CPNE5: variants seen among roughly 807,000 people sequenced by gnomAD.
The protein encoded by CPNE5 is copine 5.
A neutral mutation model predicts 81.1 loss-of-function variants in CPNE5; 42 were observed. The observed-to-expected ratio is 0.52, with a 90% CI of 0.40 to 0.67. CPNE5 has a LOEUF of 0.67. CPNE5 is among the 30% of genes least tolerant of loss of function. The pLI, the probability that CPNE5 is intolerant of heterozygous loss-of-function variation, is 0.00. For missense variants in CPNE5, 612 were observed against 815.5 expected, an observed-to-expected ratio of 0.75 and a Z score of 3.04; for synonymous variants, 313 against 321.5, an observed-to-expected ratio of 0.97 and a Z score of 0.28.
At chr6:36,792,186 C>T in intron 7 of CPNE5, 90 bp from the exon 8 acceptor site, 3 of 1,269,618 alleles carry the variant, frequency 2.4e-6, no homozygotes, top group Admixed American at 3.6e-5. Context: ...TGCCCATCCT[C>T]CCCCGCCCCC....
intron 14 of CPNE5, among the ~76,000 whole-genome samples, chr6:36,750,595 A>G (rs1365416241): frequency 6.6e-6 from 1 of 152,202 alleles, no homozygotes; most frequent in Non-Finnish European, 1.5e-5. Flanking sequence ...TATTGGTATG[A>G]AGGCTTGAGG....
At chr6:36,797,317 C>T (rs1469670021) in intron 6 of CPNE5, among the ~76,000 whole-genome samples, 2 of 152,272 alleles carry the variant, frequency 1.3e-5, no homozygotes, top group African/African-American at 4.8e-5. Flanking sequence ...GATGCCTGTC[C>T]CAGTCTGCCC....
intron 13 of CPNE5, 197 bp downstream of exon 13, chr6:36,756,048 G>C: frequency 1.7e-6 from 1 of 582,108 alleles, no homozygotes; most frequent in Non-Finnish European, 3.0e-6. Flanking sequence ...AGCGCCTGTT[G>C]TGTGGTCTGC....
chr6:36,826,366 C>A (rs560562221), intron 1 of CPNE5, among the ~76,000 whole-genome samples: 16 of 152,290 alleles, frequency 1.1e-4, no homozygotes, highest in African/African-American at 3.9e-4. Flanking sequence ...ACCAGCACCC[C>A]AGGATAAAGC....
Position 36,766,647 on chromosome 6 carries a change from G to A in CPNE5, c.738-1271C>T, listed in dbSNP as rs964451251. Among the ~76,000 whole-genome samples, 1 of 152,154 alleles carries A rather than the reference G, an allele frequency of 6.6e-6. No individual in the cohort carries two copies. Among genetic ancestry groups the A allele is most frequent in the Non-Finnish European group, 1.5e-5 (1 of 68,016 alleles). ...AGTGGAAAGACCAGGACGGCCCTAC[G>A]CTTGGACCTGGGCCCCTCACTATGG... On this transcript the variant is annotated intron_variant, in intron 10 of 20. Coordinates refer to ENST00000244751, the MANE Select transcript of CPNE5 (RefSeq NM_020939.2). The surrounding 1 kb of genome is among the most constrained non-coding windows in gnomAD (Gnocchi z 4.2).
chr6:36,771,034 G>C (rs797022257), intron 10 of CPNE5, among the ~76,000 whole-genome samples: 3 of 152,030 alleles, frequency 2.0e-5, no homozygotes, highest in African/African-American at 7.2e-5. Flanking sequence ...ACCCAGGCAG[G>C]TACCAAGGCC....
intron 3 of CPNE5, among the ~76,000 whole-genome samples, chr6:36,805,067 G>T (rs6935385): frequency 0.063 from 9,530 of 152,164 alleles, 1,017 homozygotes; most frequent in African/African-American, 0.21. Flanking sequence ...GTCCTGTCAG[G>T]CCCAATTTAT....
At chr6:36,827,325 T>C in intron 1 of CPNE5, 2 of 985,334 alleles carry the variant, frequency 2.0e-6, no homozygotes, top group Non-Finnish European at 2.4e-6. Flanking sequence ...CTAAACCTCC[T>C]ACCTTGGCTT....
At chr6:36,816,330 G>C (rs1419188409) in intron 3 of CPNE5, among the ~76,000 whole-genome samples, 2 of 152,188 alleles carry the variant, frequency 1.3e-5, no homozygotes, top group Admixed American at 6.5e-5. Flanking sequence ...TTCATGAAAT[G>C]TGGTGACAGA....
intron 12 of CPNE5, among the ~76,000 whole-genome samples, chr6:36,761,353 G>T (rs893581937): frequency 6.6e-6 from 1 of 152,250 alleles, no homozygotes; most frequent in African/African-American, 2.4e-5. Flanking sequence ...CATTCAGCAT[G>T]CGAATGTATA....
At chr6:36,768,949 T>C (rs1273318351) in intron 10 of CPNE5, among the ~76,000 whole-genome samples, 26 of 152,232 alleles carry the variant, frequency 1.7e-4, no homozygotes, top group Admixed American at 1.7e-3. Flanking sequence ...ACAGCCACTT[T>C]GGAGCTGCTG....
At chr6:36,756,931 C>T (rs532192455) in intron 12 of CPNE5, among the ~76,000 whole-genome samples, 1 of 152,322 alleles carries the variant, frequency 6.6e-6, no homozygotes, top group Non-Finnish European at 1.5e-5. Flanking sequence ...GCGGTCTCAA[C>T]CAGGGGCGAT....
chr6:36,748,231 A>G lies in CPNE5; in HGVS notation c.1008T>C (p.Thr336=). 2 of 1,614,122 alleles carry G rather than the reference A, an allele frequency of 1.2e-6. No individual in the cohort carries two copies. Among genetic ancestry groups the G allele is most frequent in the South Asian group, 1.1e-5 (1 of 91,084 alleles). The change falls in exon 15 of 21, where the codon ACT becomes ACC. Residue 336 remains threonine (T), a synonymous_variant. Coordinates refer to ENST00000244751, the MANE Select transcript of CPNE5 (RefSeq NM_020939.2). The part of the protein sequence containing the change: ...QINFTVAIDF[T]ASNGNPSQST... ...CATCCCCCAACTCACCATTGGAGGC[A>G]GTGAAATCAATGGCCACAGTGAAGT...
chr6:36,821,490 A>G (rs1772046297), intron 3 of CPNE5, among the ~76,000 whole-genome samples: 1 of 151,796 alleles, frequency 6.6e-6, no homozygotes, highest in Non-Finnish European at 1.5e-5. Context: ...TGTCCCTGCC[A>G]TTCTTGGAGT....
chr6:36,799,995 C>A lies in CPNE5; in HGVS notation c.259G>T (p.Glu87Ter). 6.2e-7 allele frequency: 1 copy of A among 1,613,998 alleles called. No individual in the cohort carries two copies. Among genetic ancestry groups the A allele is most frequent in the Non-Finnish European group, 8.5e-7 (1 of 1,179,910 alleles). The change falls in exon 4 of 21, where the codon GAG becomes TAG. Residue 87 changes from glutamate (E) to a stop codon, truncating the protein, a stop_gained. Transcript: ENST00000244751. LOFTEE classifies it high-confidence loss of function. Reference protein sequence around the residue: ...VRKFIVDYFFEEKQNLRFDLY... With the variant: ...VRKFIVDYFF ...TCAAAACGGAGGTTCTGCTTCTCCT[C>A]GAAAAAGTAATCCACAATGAACTTG...
intron 13 of CPNE5, chr6:36,755,942 C>A (rs372832461): frequency 4.6e-6 from 2 of 434,424 alleles, no homozygotes; most frequent in Admixed American, 4.0e-5. Context: ...GGGGAATTTC[C>A]CAGGGTAGGG....
chr6:36,778,968 G>A lies in CPNE5; in HGVS notation c.529-11C>T, dbSNP rs1767782586. The A allele has an allele frequency of 3.2e-6, 5 of 1,573,168 alleles. No homozygotes were observed. The highest frequency in any genetic ancestry group is 4.4e-6 in the Non-Finnish European group (5 of 1,144,548). On this transcript the variant is annotated splice_polypyrimidine_tract_variant and intron_variant, in intron 8 of 20. Coordinates refer to ENST00000244751, the MANE Select transcript of CPNE5 (RefSeq NM_020939.2). ...CATGGTGGCGACATCCTGGTGGGAG[G>A]GAGGGAGAACGGGGTGTGAGGCAGG...
intron 1 of CPNE5, among the ~76,000 whole-genome samples, chr6:36,825,336 C>G (rs1201719358): frequency 1.3e-5 from 2 of 152,196 alleles, no homozygotes; most frequent in Non-Finnish European, 2.9e-5. Context: ...AGTCCCTGAG[C>G]AGATTCCTAG....
intron 10 of CPNE5, among the ~76,000 whole-genome samples, chr6:36,768,946 C>T (rs1460449943): frequency 6.6e-6 from 1 of 152,218 alleles, no homozygotes. Flanking sequence ...ATCACAGCCA[C>T]TTTGGAGCTG....
Sources: allele counts gnomAD v4.1 joint callset (sites outside exome capture counted in the v4.1 genomes callset), GRCh38; gene constraint gnomAD v4.1.1; non-coding constraint Gnocchi (gnomAD v3.1); transcripts MANE v1.5; gene names NCBI Gene and HGNC (gene_info 2026-07-23, HGNC 2026-07-21).